ZNF366: variants seen among roughly 807,000 people sequenced by gnomAD.
The protein encoded by ZNF366 is zinc finger protein 366, also known as dendritic cell-specific transcript protein.
ZNF366 carries 20 observed loss-of-function variants against 47.2 expected under a neutral mutation model. The observed-to-expected ratio is 0.42, with a 90% CI of 0.30 to 0.62. The LOEUF is 0.62. ZNF366 is among the 20% of genes least tolerant of loss of function. ZNF366 has a pLI of 0.16. For synonymous variants in ZNF366, 421 were observed against 395.1 expected (o/e 1.07, Z -0.78); for missense variants, 987 against 976.3 (o/e 1.01, Z -0.15).
chr5:72,447,489 G>T, intron 3 of ZNF366, 72 bp from the exon 4 acceptor site: 1 of 1,548,262 alleles, frequency 6.5e-7, no homozygotes, highest in Non-Finnish European at 8.8e-7. Context: ...CTGGAGCACA[G>T]ATACCGTTTC....
At chr5:72,484,028 T>C (rs1470499410) in intron 1 of ZNF366, among the ~76,000 whole-genome samples, 1 of 152,232 alleles carries the variant, frequency 6.6e-6, no homozygotes, top group Non-Finnish European at 1.5e-5. Flanking sequence ...TCTCATTTCA[T>C]CTATACCTCA....
chr5:72,462,547 C>CTTTCTTTCTTTCTTTCTTTCT (rs11275151), intron 1 of ZNF366, among the ~76,000 whole-genome samples: 4,049 of 78,614 alleles, frequency 0.052, 184 homozygotes, highest in East Asian at 0.13. Context: ...TTCTTTCTTT[C>CTTTCTTTCTTTCTTTCTTTCT]TTTTTTTTTT....
intron 1 of ZNF366, among the ~76,000 whole-genome samples, chr5:72,496,904 A>G (rs768796795): frequency 3.9e-5 from 6 of 152,092 alleles, no homozygotes; most frequent in Non-Finnish European, 5.9e-5. Flanking sequence ...TATATCTTTG[A>G]TGTGCTGATT....
intron 1 of ZNF366, among the ~76,000 whole-genome samples, chr5:72,479,741 G>T (rs1006815831): frequency 1.1e-4 from 16 of 152,164 alleles, no homozygotes; most frequent in Non-Finnish European, 8.8e-5. Flanking sequence ...AAAATACACA[G>T]GATCATATCT....
intron 1 of ZNF366, among the ~76,000 whole-genome samples, chr5:72,497,279 A>T (rs1357934517): frequency 6.6e-6 from 1 of 152,190 alleles, no homozygotes; most frequent in Non-Finnish European, 1.5e-5. Flanking sequence ...TAACACTTAC[A>T]TTCAGGCCTA....
intron 1 of ZNF366, among the ~76,000 whole-genome samples, chr5:72,496,525 AT>A (rs1744116160): frequency 6.6e-6 from 1 of 152,174 alleles, no homozygotes; most frequent in African/African-American, 2.4e-5. Flanking sequence ...GCTTTTGCTT[AT>A]CCACTCACCA....
At chr5:72,456,318 T>C in intron 3 of ZNF366, 86 bp downstream of exon 3, 1 of 1,453,320 alleles carries the variant, frequency 6.9e-7, no homozygotes, top group Non-Finnish European at 9.3e-7. Context: ...GCCCCACTGA[T>C]GAAACAGAGT....
At chr5:72,504,073 A>G (rs113422031) in intron 1 of ZNF366, among the ~76,000 whole-genome samples, 15 of 152,080 alleles carry the variant, frequency 9.9e-5, no homozygotes, top group Admixed American at 2.6e-4. Flanking sequence ...ACACGCACGC[A>G]CACACACATG....
chr5:72,444,024 G>A lies in ZNF366; in HGVS notation c.1967C>T (p.Pro656Leu). 6.2e-7 allele frequency: 1 copy of A among 1,614,142 alleles called. No individual in the cohort carries two copies. Among genetic ancestry groups the A allele is most frequent in the Non-Finnish European group, 8.5e-7 (1 of 1,180,018 alleles). The part of the protein sequence containing the change: ...EDLSTKSEHA[P>L]EVLEEACKEE... Reference sequence around the variant, plus strand: ...CTTGCAGGCTTCCTCCAGCACCTCGGGGGCGTGCTCCGACTTGGTGGACAG... The same window carrying A: ...CTTGCAGGCTTCCTCCAGCACCTCGAGGGCGTGCTCCGACTTGGTGGACAG... The change falls in exon 5 of 5, where the codon CCC (proline) becomes CTC (leucine). Residue 656 changes from proline (P) to leucine (L), a missense_variant. Pro to Leu is a moderately conservative substitution (Grantham distance 98). Around this residue, in one of 3 missense-constraint regions of ZNF366, gnomAD observed 285 missense variants for 234.8 expected, o/e 1.21. Transcript: ENST00000318442.
chr5:72,488,566 C>T (rs1290468261), intron 1 of ZNF366, among the ~76,000 whole-genome samples: 4 of 152,104 alleles, frequency 2.6e-5, no homozygotes, highest in African/African-American at 7.2e-5. Flanking sequence ...TCAAAGATAC[C>T]GCTTCTTTTC....
chr5:72,454,871 C>T (rs928647757), intron 3 of ZNF366, among the ~76,000 whole-genome samples: 21 of 152,262 alleles, frequency 1.4e-4, no homozygotes, highest in East Asian at 1.9e-4. Flanking sequence ...AAGAGGAGGC[C>T]GTGGAGTCCA....
At chr5:72,487,877 T>A (rs1202424270) in intron 1 of ZNF366, among the ~76,000 whole-genome samples, 1 of 152,068 alleles carries the variant, frequency 6.6e-6, no homozygotes, top group Non-Finnish European at 1.5e-5. Flanking sequence ...CATATTTTTC[T>A]CCCCCATTAG....
chr5:72,496,130 A>G (rs1744107150), intron 1 of ZNF366, among the ~76,000 whole-genome samples: 2 of 152,244 alleles, frequency 1.3e-5, no homozygotes, highest in South Asian at 4.2e-4. Flanking sequence ...TTGAGGTATA[A>G]TTTACATGAT....
intron 1 of ZNF366, among the ~76,000 whole-genome samples, chr5:72,507,044 A>T (rs1056718987): frequency 6.6e-6 from 1 of 152,136 alleles, no homozygotes; most frequent in African/African-American, 2.4e-5. Context: ...ATGTAATTCT[A>T]TTTCTAGTTT....
Position 72,442,000 on chromosome 5 carries a change from T to C in ZNF366, c.*1756A>G, listed in dbSNP as rs896973307. ...TCATTTCCACTCACTGGCATCATGG[T>C]TCAAGCATCTGGGAAGAAATAATGA... On this transcript the variant is annotated 3_prime_UTR_variant, in exon 5 of 5. Transcript: ENST00000318442. 4.6e-5 allele frequency: 7 copies of C among 152,006 alleles called. No individual in the cohort carries two copies. Among genetic ancestry groups the C allele is most frequent in the African/African-American group, 1.4e-4 (6 of 41,414 alleles). The allele number at this position is 152,006 out of a possible 1,614,324, so 9.4% of individuals were successfully genotyped here.
chr5:72,494,637 G>A (rs909176914), intron 1 of ZNF366, among the ~76,000 whole-genome samples: 1 of 150,306 alleles, frequency 6.7e-6, no homozygotes, highest in East Asian at 1.9e-4. Flanking sequence ...TGTCAGGAGG[G>A]CTACTATCCA....
intron 1 of ZNF366, among the ~76,000 whole-genome samples, chr5:72,463,970 C>A (rs1743384111): frequency 6.6e-6 from 1 of 152,012 alleles, no homozygotes; most frequent in African/African-American, 2.4e-5. Context: ...GGTTTATAAC[C>A]CCTTGAGAGA....
At chr5:72,495,184 C>T (rs1302780231) in intron 1 of ZNF366, among the ~76,000 whole-genome samples, 3 of 152,152 alleles carry the variant, frequency 2.0e-5, no homozygotes, top group African/African-American at 7.2e-5. Context: ...GAATATACAA[C>T]CTGTTAACTT....
chr5:72,460,446 C>G lies in ZNF366; in HGVS notation c.1051G>C (p.Glu351Gln). The change falls in exon 2 of 5, where the codon GAG (glutamate) becomes CAG (glutamine). Residue 351 changes from glutamate to glutamine, a missense_variant. Coordinates refer to ENST00000318442, the MANE Select transcript of ZNF366 (RefSeq NM_152625.3). ...VCGRGFAYPS[E>Q]LKAHEAKHAS... is the part of the protein sequence containing the mutation. The stretch of plus-strand genomic sequence containing the variant: ...TGCTTGGCTTCGTGGGCCTTGAGCT[C>G]GCTGGGGTAGGCAAAGCCGCGGCCG... The G allele has an allele frequency of 6.2e-7, 1 of 1,614,106 alleles. No homozygotes were observed.
Sources: gnomAD v4.1 joint callset for allele counts (sites outside exome capture counted in the v4.1 genomes callset) on GRCh38, gnomAD v4.1.1 for gene constraint, gnomAD v4.1.1 regional missense constraint, MANE v1.5 for transcripts, NCBI Gene and HGNC (gene_info 2026-07-23, HGNC 2026-07-21) for gene names.